Variants in PTPRM observed in about 807,000 individuals in gnomAD.
PTPRM encodes protein tyrosine phosphatase receptor type M, also known as receptor-type tyrosine-protein phosphatase mu.
Under a neutral mutation model 186.7 loss-of-function variants are expected in PTPRM, and 47 were observed. The observed-to-expected ratio is 0.25, with a 90% CI of 0.20 to 0.32. The LOEUF is 0.32. PTPRM is among the 10% of genes least tolerant of loss of function. The pLI is 1.00. For missense variants in PTPRM, 1,494 were observed against 1,865.0 expected, an observed-to-expected ratio of 0.80 and a Z score of 3.66; for synonymous variants, 668 against 674.9, an observed-to-expected ratio of 0.99 and a Z score of 0.16.
At chr18:7,704,826 G>GA (rs937106123) in intron 1 of PTPRM, among the ~76,000 whole-genome samples, 8 of 152,176 alleles carry the variant, frequency 5.3e-5, no homozygotes, top group African/African-American at 1.9e-4. Context: ...GAGAAAGATT[G>GA]AAAAATATAG....
At chr18:8,208,519 A>AT (rs112787043) in intron 14 of PTPRM, among the ~76,000 whole-genome samples, 40,393 of 149,172 alleles carry the variant, frequency 0.27, 5,484 homozygotes, top group Middle Eastern at 0.5. Flanking sequence ...GGCAAGGCCT[A>AT]TTTTTTTTTT....
intron 1 of PTPRM, among the ~76,000 whole-genome samples, chr18:7,722,129 A>G (rs1377053882): frequency 6.6e-6 from 1 of 152,190 alleles, no homozygotes; most frequent in Non-Finnish European, 1.5e-5. Flanking sequence ...TTACTGCTCT[A>G]AAAATCTTCT....
In PTPRM at chr18:7,621,012, T is replaced by C. The variant is rs531720739; in HGVS notation, c.73+53121T>C. Among the ~76,000 whole-genome samples, 3 of 152,270 alleles carry C rather than the reference T, an allele frequency of 2.0e-5. No individual in the cohort carries two copies. In the South Asian group the frequency reaches 6.2e-4, roughly 32 times the overall value. Reference sequence around the variant, plus strand: ...CAGTCGGCAACCTAGTGAGACCCCGTGTCTACTAAGTAAATAAATAAATAA... The same window carrying C: ...CAGTCGGCAACCTAGTGAGACCCCGCGTCTACTAAGTAAATAAATAAATAA... On this transcript the variant is annotated intron_variant, in intron 1 of 32. Transcript: ENST00000580170.
intron 14 of PTPRM, among the ~76,000 whole-genome samples, chr18:8,203,364 C>T (rs892962158): frequency 7.4e-5 from 11 of 148,022 alleles, no homozygotes; most frequent in African/African-American, 1.8e-4. Context: ...ACACAAATTT[C>T]GGAAGTTTTT....
At chr18:7,748,323 G>A (rs955521252) in intron 1 of PTPRM, among the ~76,000 whole-genome samples, 1 of 152,170 alleles carries the variant, frequency 6.6e-6, no homozygotes, top group Non-Finnish European at 1.5e-5. Flanking sequence ...TGTGTTGAAC[G>A]GTACAGCTGT....
chr18:8,271,663 A>T (rs990226951), intron 19 of PTPRM, among the ~76,000 whole-genome samples: 2 of 151,974 alleles, frequency 1.3e-5, no homozygotes, highest in African/African-American at 4.8e-5. Flanking sequence ...AATTTTTTTC[A>T]GTAGTTAATA....
At chr18:7,923,028 T>C (rs1160279926) in intron 4 of PTPRM, among the ~76,000 whole-genome samples, 1 of 152,168 alleles carries the variant, frequency 6.6e-6, no homozygotes, top group East Asian at 1.9e-4. Context: ...TGGGTGCCAA[T>C]AGCACTGCCT....
intron 28 of PTPRM, 87 bp downstream of exon 28, chr18:8,379,427 C>A: frequency 7.6e-7 from 1 of 1,314,226 alleles, no homozygotes. Flanking sequence ...ATTCTGCTCA[C>A]CAGCCCTTTT....
chr18:8,202,260 A>C (rs769491209), intron 14 of PTPRM, among the ~76,000 whole-genome samples: 1 of 152,168 alleles, frequency 6.6e-6, no homozygotes, highest in South Asian at 2.1e-4. Flanking sequence ...ATCAAATTCC[A>C]TTTTCCCAGC....
intron 13 of PTPRM, among the ~76,000 whole-genome samples, chr18:8,116,233 C>A (rs566215189): frequency 1.5e-3 from 233 of 152,336 alleles, no homozygotes; most frequent in African/African-American, 5.2e-3. Context: ...TTACATTTCA[C>A]TTACACTTAA....
intron 19 of PTPRM, among the ~76,000 whole-genome samples, chr18:8,273,651 CAT>C (rs1406711844): frequency 6.6e-6 from 1 of 152,176 alleles, no homozygotes; most frequent in Non-Finnish European, 1.5e-5. Flanking sequence ...CCAGTAAAAA[CAT>C]ATTCTCAGGC....
rs180708344 is a variant in PTPRM at position 8,166,571 on chromosome 18, A to G, written c.2300+22792A>G. Among the ~76,000 whole-genome samples the G allele has an allele frequency of 1.5e-3, 233 of 152,310 alleles. 1 individual carries two copies. The highest frequency in any genetic ancestry group is 5.3e-3 in the African/African-American group (219 of 41,560). On this transcript the variant is annotated intron_variant, in intron 14 of 32. Transcript: ENST00000580170. ...TTAATAATAACACATCCATGAACAAATGTCTTGCCACTTGTATTATTTATT... is the reference window on the plus strand; with the variant it reads ...TTAATAATAACACATCCATGAACAAGTGTCTTGCCACTTGTATTATTTATT...
chr18:8,039,333 C>T (rs1555701634), intron 7 of PTPRM, among the ~76,000 whole-genome samples: 1 of 151,936 alleles, frequency 6.6e-6, no homozygotes, highest in Non-Finnish European at 1.5e-5. Flanking sequence ...AAAGGAGATC[C>T]ATCTTAATCT....
At chr18:7,930,138 G>A (rs569819677) in intron 5 of PTPRM, among the ~76,000 whole-genome samples, 2 of 151,948 alleles carry the variant, frequency 1.3e-5, no homozygotes, top group East Asian at 1.9e-4. Context: ...GCATGATCTC[G>A]GCTCACTGCA....
intron 1 of PTPRM, among the ~76,000 whole-genome samples, chr18:7,628,783 A>C (rs1025355003): frequency 3.3e-4 from 51 of 152,292 alleles, no homozygotes; most frequent in African/African-American, 1.1e-3. Context: ...GGCTTCATGG[A>C]GCTCACATTC....
intron 2 of PTPRM, among the ~76,000 whole-genome samples, chr18:7,862,150 A>G (rs1287360872): frequency 1.3e-5 from 2 of 152,220 alleles, no homozygotes; most frequent in East Asian, 1.9e-4. Flanking sequence ...TTATAAGATT[A>G]TAGTGAAATC....
chr18:8,289,623 TATATATATACACAC>T (rs1568675917), intron 19 of PTPRM, among the ~76,000 whole-genome samples: 14 of 142,212 alleles, frequency 9.8e-5, no homozygotes, highest in African/African-American at 2.6e-4. Flanking sequence ...TATATACACA[TATATATATACACAC>T]ATATATATAT....
chr18:8,157,920 G>A (rs2093156280), intron 14 of PTPRM, among the ~76,000 whole-genome samples: 6 of 152,208 alleles, frequency 3.9e-5, no homozygotes, highest in Non-Finnish European at 4.4e-5. Flanking sequence ...TGTGCATAAA[G>A]GCCTTGTCAT....
chr18:7,875,236 A>G (rs1321083662), intron 2 of PTPRM, among the ~76,000 whole-genome samples: 1 of 152,132 alleles, frequency 6.6e-6, no homozygotes, highest in East Asian at 1.9e-4. Flanking sequence ...ATGATAAGTG[A>G]CATATCCCAC....
Sources: gnomAD v4.1 joint callset for allele counts (sites outside exome capture counted in the v4.1 genomes callset) on GRCh38, gnomAD v4.1.1 for gene constraint, MANE v1.5 for transcripts, NCBI Gene and HGNC (gene_info 2026-07-23, HGNC 2026-07-21) for gene names.